Variants in CNTLN observed in about 807,000 individuals in gnomAD.
CNTLN encodes centlein.
A neutral mutation model predicts 180.0 loss-of-function variants in CNTLN; 212 were observed. The observed-to-expected ratio is 1.18, with a 90% CI of 1.05 to 1.32. The LOEUF (loss-of-function observed/expected upper bound fraction) is 1.32. CNTLN is among the 40% of genes most tolerant of loss of function. The pLI is 0.00. For missense variants in CNTLN, 2,095 were observed against 1,610.9 expected (o/e 1.30, Z -5.14); for synonymous variants, 722 against 563.1 (o/e 1.28, Z -3.99).
intron 13 of CNTLN, among the ~76,000 whole-genome samples, chr9:17,372,609 C>A (rs2133499941): frequency 6.6e-6 from 1 of 152,256 alleles, no homozygotes; most frequent in East Asian, 1.9e-4. Context: ...GGAGGGAATA[C>A]TTTCAAACTC....
chr9:17,369,985 C>CG, intron 13 of CNTLN, among the ~76,000 whole-genome samples: 1 of 132,690 alleles, frequency 7.5e-6, no homozygotes, highest in Admixed American at 8.0e-5. Context: ...GACTCCATCT[C>CG]GAAAAAAAAA....
intron 23 of CNTLN, among the ~76,000 whole-genome samples, chr9:17,476,247 C>A (rs1832337394): frequency 6.6e-6 from 1 of 152,130 alleles, no homozygotes; most frequent in South Asian, 2.1e-4. Flanking sequence ...TGTGTTCTGA[C>A]TGTTCCGCCC....
At chr9:17,526,607 C>T in the CNTLN span, among the ~76,000 whole-genome samples, 2 of 152,156 alleles carry the variant, frequency 1.3e-5, no homozygotes, top group African/African-American at 2.4e-5. Flanking sequence ...TTCTCTTTTA[C>T]TCATAAAGGG....
chr9:17,249,985 T>C (rs940847148), intron 5 of CNTLN, among the ~76,000 whole-genome samples: 5 of 151,232 alleles, frequency 3.3e-5, no homozygotes, highest in African/African-American at 1.2e-4. Context: ...TATTGAATTT[T>C]CAACTATTAT....
chr9:17,274,528 T>TCCAC (rs1828186171), intron 6 of CNTLN, among the ~76,000 whole-genome samples: 1 of 151,860 alleles, frequency 6.6e-6, no homozygotes, highest in South Asian at 2.1e-4. Flanking sequence ...TATCCATCCA[T>TCCAC]CCACATGCAT....
chr9:17,256,673 G>T (rs1019398985), intron 5 of CNTLN, among the ~76,000 whole-genome samples: 1 of 151,784 alleles, frequency 6.6e-6, no homozygotes, highest in East Asian at 1.9e-4. Context: ...ATCTGGGGAG[G>T]TTGGTTTTAT....
chr9:17,241,129 A>T (rs1825464955), intron 5 of CNTLN, among the ~76,000 whole-genome samples: 1 of 152,134 alleles, frequency 6.6e-6, no homozygotes, highest in Admixed American at 6.5e-5. Flanking sequence ...AAGTGCTGGG[A>T]TTACAGGCGT....
chr9:17,359,730 A>C (rs1286895728), intron 12 of CNTLN, among the ~76,000 whole-genome samples: 2 of 99,912 alleles, frequency 2.0e-5, no homozygotes, highest in African/African-American at 7.3e-5. Context: ...AAATACAAAA[A>C]AAAAAAAAAA....
intron 16 of CNTLN, among the ~76,000 whole-genome samples, chr9:17,412,041 A>G (rs986692320): frequency 6.6e-6 from 1 of 151,616 alleles, no homozygotes; most frequent in East Asian, 1.9e-4. Flanking sequence ...CATGATGTCA[A>G]TGGAAGCCCA....
chr9:17,516,230 TTTC>T, the CNTLN span, among the ~76,000 whole-genome samples: 1 of 152,216 alleles, frequency 6.6e-6, no homozygotes. Context: ...CTGCCTTATC[TTTC>T]TTCTTAGTGG....
At chr9:17,470,046 C>A (rs532670324) in intron 23 of CNTLN, among the ~76,000 whole-genome samples, 1 of 151,852 alleles carries the variant, frequency 6.6e-6, no homozygotes, top group African/African-American at 2.4e-5. Flanking sequence ...GGCTCTGACT[C>A]GTCTCCTGAA....
chr9:17,238,818 C>A (rs1334478006), intron 5 of CNTLN, among the ~76,000 whole-genome samples: 1 of 152,134 alleles, frequency 6.6e-6, no homozygotes, highest in East Asian at 1.9e-4. Context: ...ATTTTCATTT[C>A]TCTTGGGTAT....
intron 2 of CNTLN, among the ~76,000 whole-genome samples, chr9:17,158,201 A>C (rs1202779795): frequency 6.6e-6 from 1 of 152,290 alleles, no homozygotes; most frequent in East Asian, 1.9e-4. Context: ...GTAGTACATA[A>C]ATTGATTTTC....
At chr9:17,169,305 C>G (rs148628876) in intron 2 of CNTLN, among the ~76,000 whole-genome samples, 49 of 152,248 alleles carry the variant, frequency 3.2e-4, no homozygotes, top group African/African-American at 1.0e-3. Flanking sequence ...GCCTTAGAAT[C>G]TTGAGTAATC....
At chr9:17,368,100 C>T (rs972851034) in intron 13 of CNTLN, among the ~76,000 whole-genome samples, 11 of 151,932 alleles carry the variant, frequency 7.2e-5, no homozygotes, top group Non-Finnish European at 2.9e-5. Context: ...CTGCCCTGGG[C>T]CAGAGGGAAA....
At chr9:17,475,790 G>A (rs1012848022) in intron 23 of CNTLN, among the ~76,000 whole-genome samples, 5 of 150,928 alleles carry the variant, frequency 3.3e-5, no homozygotes, top group East Asian at 2.0e-4. Flanking sequence ...AGAGAATGGC[G>A]TGAACCCGGG....
At chr9:17,309,934 G>A (rs1819008886) in intron 8 of CNTLN, among the ~76,000 whole-genome samples, 1 of 151,916 alleles carries the variant, frequency 6.6e-6, no homozygotes, top group Non-Finnish European at 1.5e-5. Context: ...TTCAGTAATG[G>A]ATTGTAATTT....
intron 2 of CNTLN, among the ~76,000 whole-genome samples, chr9:17,149,429 C>T (rs566487052): frequency 1.3e-3 from 191 of 152,190 alleles, no homozygotes; most frequent in African/African-American, 4.5e-3. Flanking sequence ...TTTACACCCC[C>T]ACCAACAGTG....
chr9:17,252,568 C>A (rs1048176539), intron 5 of CNTLN, among the ~76,000 whole-genome samples: 2 of 151,592 alleles, frequency 1.3e-5, no homozygotes, highest in Non-Finnish European at 3.0e-5. Context: ...CATTTTTGTA[C>A]ATGTTATAAT....
Sources: allele counts gnomAD v4.1 joint callset (sites outside exome capture counted in the v4.1 genomes callset), GRCh38; gene constraint gnomAD v4.1.1; transcripts MANE v1.5; gene names NCBI Gene and HGNC (gene_info 2026-07-23, HGNC 2026-07-21).